TMEM39A: variants seen among roughly 807,000 people sequenced by gnomAD.
TMEM39A encodes transmembrane protein 39A, also known as suppressor of SQST-1 aggregates in rpl-43 mutants.
Under a neutral mutation model 51.9 loss-of-function variants are expected in TMEM39A, and 19 were observed. The ratio of observed to expected loss-of-function variants is 0.37; its 90% CI spans 0.26 to 0.54. The LOEUF (loss-of-function observed/expected upper bound fraction) is 0.54, where lower values mean the gene tolerates loss of function less well. Among genes scored for constraint, TMEM39A ranks in the 20% least tolerant of loss-of-function variants. TMEM39A has a pLI of 0.88. For missense variants in TMEM39A, 433 were observed against 590.5 expected, an observed-to-expected ratio of 0.73 and a Z score of 2.76; for synonymous variants, 197 against 220.2, an observed-to-expected ratio of 0.89 and a Z score of 0.93.
intron 5 of TMEM39A, among the ~76,000 whole-genome samples, chr3:119,445,051 G>A (rs547121084): frequency 6.6e-6 from 1 of 151,892 alleles, no homozygotes; most frequent in South Asian, 2.1e-4. Context: ...CTGCACTCCC[G>A]CCTGGATGAC....
chr3:119,449,836 G>T (rs2081175770), intron 4 of TMEM39A, among the ~76,000 whole-genome samples: 1 of 152,154 alleles, frequency 6.6e-6, no homozygotes, highest in Non-Finnish European at 1.5e-5. Flanking sequence ...AGTAGAGTTA[G>T]CCTGGAGGTG....
Position 119,436,987 on chromosome 3 carries a change from G to C in TMEM39A, c.925-9C>G. Reference sequence around the variant, plus strand: ...TCATAGTACTGGGTACTCTGGAAGAGATCAGAAGAGAGAGAAATGATCCAT... The same window carrying C: ...TCATAGTACTGGGTACTCTGGAAGACATCAGAAGAGAGAGAAATGATCCAT... On this transcript the variant is annotated splice_polypyrimidine_tract_variant and intron_variant, in intron 6 of 8. Coordinates refer to ENST00000319172, the MANE Select transcript of TMEM39A (RefSeq NM_018266.3). The C allele has an allele frequency of 1.2e-6, 2 of 1,604,172 alleles. No homozygotes were observed. Among genetic ancestry groups the C allele is most frequent in the Non-Finnish European group, 1.7e-6 (2 of 1,172,086 alleles).
intron 7 of TMEM39A, among the ~76,000 whole-genome samples, chr3:119,436,358 T>G (rs2080967935): frequency 6.6e-6 from 1 of 151,992 alleles, no homozygotes; most frequent in African/African-American, 2.4e-5. Context: ...CTGCATGTAT[T>G]AGAAAGAAAA....
chr3:119,432,473 C>T (rs2080913993), intron 8 of TMEM39A, among the ~76,000 whole-genome samples: 1 of 151,886 alleles, frequency 6.6e-6, no homozygotes, highest in Admixed American at 6.6e-5. Context: ...CAAAAGAAAA[C>T]TACTTATAAA....
Position 119,429,496 on chromosome 3 carries a change from A to G in TMEM39A, c.*2485T>C, listed in dbSNP as rs1456292738. The G allele has an allele frequency of 1.3e-5, 2 of 152,152 alleles. No homozygotes were observed. Among genetic ancestry groups the G allele is most frequent in the Admixed American group, 1.3e-4 (2 of 15,276 alleles). The allele number at this position is 152,152 out of a possible 1,614,324, so 9.4% of individuals were successfully genotyped here. A position where few individuals can be genotyped will look rare whatever the true frequency, so the allele number is the denominator to read the frequency against. On this transcript the variant is annotated 3_prime_UTR_variant, in exon 9 of 9. Coordinates refer to ENST00000319172, the MANE Select transcript of TMEM39A (RefSeq NM_018266.3). ...ACAAACAATTTTAACTTGCCAACAA[A>G]GAATTACAAAAAAGGTCATTCTTTA... is the stretch of plus-strand genomic sequence containing the variant.
intron 5 of TMEM39A, among the ~76,000 whole-genome samples, chr3:119,446,462 A>T (rs1213972925): frequency 6.6e-6 from 1 of 152,216 alleles, no homozygotes; most frequent in African/African-American, 2.4e-5. Flanking sequence ...GATGGCGAGA[A>T]ATTTCACCAT....
intron 2 of TMEM39A, among the ~76,000 whole-genome samples, chr3:119,460,314 C>T (rs750901104): frequency 2.8e-4 from 42 of 151,916 alleles, no homozygotes; most frequent in Non-Finnish European, 4.1e-4. Context: ...AAAAGAATAC[C>T]AAACCCAGTC....
rs1577043631 is a variant in TMEM39A at position 119,430,938 on chromosome 3, C to T, written c.*1043G>A. 6.6e-6 allele frequency: 1 copy of T among 152,110 alleles called. No homozygotes were observed. Among genetic ancestry groups the T allele is most frequent in the South Asian group, 2.1e-4 (1 of 4,824 alleles). 9.4% of individuals were successfully genotyped at this position (152,110 alleles called of 1,614,324 possible). ...GATGACAAGTGACAACATCAATGGA[C>T]TAAGTATATCACCTCCCATAACTTA... On this transcript the variant is annotated 3_prime_UTR_variant, in exon 9 of 9. Transcript: ENST00000319172.
intron 8 of TMEM39A, 40 bp downstream of exon 8, chr3:119,434,722 C>T (rs1658756172): frequency 1.2e-6 from 2 of 1,610,240 alleles, no homozygotes; most frequent in Non-Finnish European, 8.5e-7. Context: ...CTAACACTTA[C>T]CCCTAAGCTT....
At chr3:119,450,819 T>A in intron 4 of TMEM39A, among the ~76,000 whole-genome samples, 1 of 80,036 alleles carries the variant, frequency 1.2e-5, no homozygotes, top group East Asian at 4.1e-4. Context: ...AGAGCCAGAC[T>A]CCATCTCAAA....
At chr3:119,458,298 T>C (rs1476985645) in intron 2 of TMEM39A, 58 bp from the exon 3 acceptor site, 17 of 1,474,308 alleles carry the variant, frequency 1.2e-5, no homozygotes, top group Middle Eastern at 1.7e-4. Context: ...TCACAGAACA[T>C]AAAGGGCTCC....
At chr3:119,438,209 C>T (rs1485469072) in intron 5 of TMEM39A, 106 bp from the exon 6 acceptor site, 3 of 792,850 alleles carry the variant, frequency 3.8e-6, no homozygotes, top group East Asian at 5.4e-5. Flanking sequence ...TAGTCAGGAC[C>T]CGCAGGAGTA....
At chr3:119,433,070 C>A (rs1157134099) in intron 8 of TMEM39A, among the ~76,000 whole-genome samples, 1 of 152,074 alleles carries the variant, frequency 6.6e-6, no homozygotes, top group Non-Finnish European at 1.5e-5. Flanking sequence ...CCAGTCTAAT[C>A]CTAAATCTAG....
chr3:119,457,789 ATTAT>A (rs1441685954), intron 3 of TMEM39A, among the ~76,000 whole-genome samples: 1 of 152,222 alleles, frequency 6.6e-6, no homozygotes, highest in African/African-American at 2.4e-5. Context: ...ATTATAAAAA[ATTAT>A]TTAAATGTTT....
Position 119,431,080 on chromosome 3 carries a change from A to G in TMEM39A, c.*901T>C, listed in dbSNP as rs1178893683. ...TAATTCTTATCTTTCACTTCCCCTC[A>G]TAACTCCAAACATAACGCCATTGTA... On this transcript the variant is annotated 3_prime_UTR_variant, in exon 9 of 9. Coordinates refer to ENST00000319172, the MANE Select transcript of TMEM39A (RefSeq NM_018266.3). 2.6e-5 allele frequency: 4 copies of G among 152,142 alleles called. No homozygotes were observed. Among genetic ancestry groups the G allele is most frequent in the Non-Finnish European group, 5.9e-5 (4 of 67,988 alleles). The allele number at this position is 152,142 out of a possible 1,614,324, so 9.4% of individuals were successfully genotyped here. A position where few individuals can be genotyped will look rare whatever the true frequency, so the allele number is the denominator to read the frequency against.
At chr3:119,450,221 C>A (rs1246717647) in intron 4 of TMEM39A, among the ~76,000 whole-genome samples, 1 of 152,152 alleles carries the variant, frequency 6.6e-6, no homozygotes, top group Non-Finnish European at 1.5e-5. Context: ...CTCCTAGCCA[C>A]CAACTGTGCA....
intron 3 of TMEM39A, among the ~76,000 whole-genome samples, chr3:119,455,540 C>T (rs2081253104): frequency 6.6e-6 from 1 of 152,174 alleles, no homozygotes; most frequent in Non-Finnish European, 1.5e-5. Flanking sequence ...CTGTCAACCA[C>T]AGGCATCATA....
intron 7 of TMEM39A, chr3:119,435,811 T>C: frequency 7.9e-7 from 1 of 1,262,140 alleles, no homozygotes; most frequent in Non-Finnish European, 1.0e-6. Context: ...CCTGAAGATG[T>C]ACAGTACTAG....
chr3:119,457,656 C>T (rs965641357), intron 3 of TMEM39A, among the ~76,000 whole-genome samples: 4 of 152,140 alleles, frequency 2.6e-5, no homozygotes. Context: ...ACAGAAGCTA[C>T]CACTATCCTA....
Sources: gnomAD v4.1 joint callset for allele counts (sites outside exome capture counted in the v4.1 genomes callset) on GRCh38, gnomAD v4.1.1 for gene constraint, MANE v1.5 for transcripts, NCBI Gene and HGNC (gene_info 2026-07-23, HGNC 2026-07-21) for gene names.